Variants in BANF2 observed in about 807,000 individuals in gnomAD.
The protein encoded by BANF2 is barrier-to-autointegration factor-like protein.
A neutral mutation model predicts 8.0 loss-of-function variants in BANF2; 4 were observed. That is an observed-to-expected ratio of 0.50 (90% CI 0.25 to 1.14). The LOEUF is 1.14. Ranked by LOEUF, BANF2 falls within the 50% of genes most tolerant of loss-of-function variation. The pLI, the probability that BANF2 is intolerant of heterozygous loss-of-function variation, is 0.16. For missense variants in BANF2, 96 were observed against 107.5 expected (o/e 0.89, Z 0.47); for synonymous variants, 50 against 40.6 (o/e 1.23, Z -0.88).
In BANF2 at chr20:17,714,918, A is replaced by G. The variant is rs533270672; in HGVS notation, c.-166-7798A>G. 2.0e-4 allele frequency among the ~76,000 whole-genome samples: 30 copies of G among 152,318 alleles called. No individual in the cohort carries two copies. In the South Asian group the frequency reaches 6.0e-3, roughly 31 times the overall value. On this transcript the variant is annotated intron_variant, in intron 1 of 3. Coordinates refer to ENST00000246090, the MANE Select transcript of BANF2 (RefSeq NM_178477.5). Reference sequence around the variant, plus strand: ...AAAAGAATTTCTGGATTTCAGAGCCATTTGGATATGAAAATGGTAGCTTAG... The same window carrying G: ...AAAAGAATTTCTGGATTTCAGAGCCGTTTGGATATGAAAATGGTAGCTTAG...
chr20:17,702,248 G>A (rs898119601), intron 1 of BANF2, among the ~76,000 whole-genome samples: 5 of 152,212 alleles, frequency 3.3e-5, no homozygotes, highest in African/African-American at 1.2e-4. Flanking sequence ...GTTCCACAGT[G>A]CCTATTTCCA....
At chr20:17,714,452 G>A (rs1385697976) in intron 1 of BANF2, among the ~76,000 whole-genome samples, 1 of 152,206 alleles carries the variant, frequency 6.6e-6, no homozygotes, top group Admixed American at 6.5e-5. Flanking sequence ...AGACAAGTAT[G>A]TCCAGCCTAG....
At chr20:17,708,046 C>CAAAAAAAAAA (rs1491179991) in intron 1 of BANF2, among the ~76,000 whole-genome samples, 18 of 111,682 alleles carry the variant, frequency 1.6e-4, no homozygotes, top group African/African-American at 5.6e-4. Flanking sequence ...TACTAAAAAT[C>CAAAAAAAAAA]AAAAAAAAAA....
chr20:17,710,489 C>T (rs757631440), intron 1 of BANF2, among the ~76,000 whole-genome samples: 11 of 152,222 alleles, frequency 7.2e-5, no homozygotes, highest in African/African-American at 1.9e-4. Flanking sequence ...GAGGCAGGCA[C>T]GTAGTAGGCG....
intron 3 of BANF2, among the ~76,000 whole-genome samples, chr20:17,734,453 A>G (rs1163489287): frequency 3.9e-5 from 6 of 152,214 alleles, no homozygotes; most frequent in Non-Finnish European, 8.8e-5. Flanking sequence ...CGTGTGCATT[A>G]GGAAGGTGCA....
upstream of BANF2, among the ~76,000 whole-genome samples, chr20:17,698,849 T>G (rs2037374143): frequency 6.6e-6 from 1 of 152,210 alleles, no homozygotes; most frequent in South Asian, 2.1e-4. Flanking sequence ...TCAGCCAGCT[T>G]TGGCCCCAAA....
rs1385948334 is a variant in BANF2, at chr20:17,710,210, A to G, written c.-167+10155A>G. On this transcript the variant is annotated intron_variant, in intron 1 of 3. Transcript: ENST00000246090. ...TCCACTTGCAGGGCGAAGAGCCACC[A>G]TGGAAACCATGAGCCCTGGGGGGGA... is the stretch of plus-strand genomic sequence containing the variant. 2.6e-5 allele frequency among the ~76,000 whole-genome samples: 4 copies of G among 152,182 alleles called. No homozygotes were observed. In the East Asian group the frequency reaches 7.7e-4, roughly 29 times the overall value.
At position 17,714,825 on chromosome 20, in the gene BANF2, A is replaced by G. The variant is rs146183142; in HGVS notation, c.-166-7891A>G. On this transcript the variant is annotated intron_variant, in intron 1 of 3. Transcript: ENST00000246090. ...CACACTAACTGGGATAATAAAGACT[A>G]TAAATAGCCTCATGTCAGTTCAGGC... Among the ~76,000 whole-genome samples the G allele has an allele frequency of 2.6e-5, 4 of 152,278 alleles. No homozygotes were observed. In the East Asian group the frequency reaches 7.7e-4, roughly 29 times the overall value.
At chr20:17,712,938 G>T (rs1049423664) in intron 1 of BANF2, among the ~76,000 whole-genome samples, 1 of 152,108 alleles carries the variant, frequency 6.6e-6, no homozygotes, top group Non-Finnish European at 1.5e-5. Flanking sequence ...ATGGAATGTT[G>T]TTTAGTCTTA....
At chr20:17,727,605 C>T (rs1242725150) in intron 3 of BANF2, among the ~76,000 whole-genome samples, 1 of 152,006 alleles carries the variant, frequency 6.6e-6, no homozygotes, top group Non-Finnish European at 1.5e-5. Context: ...CCGAGATGGG[C>T]AAGCGCTTCA....
At chr20:17,711,318 T>C (rs1237724220) in intron 1 of BANF2, among the ~76,000 whole-genome samples, 1 of 152,226 alleles carries the variant, frequency 6.6e-6, no homozygotes, top group Non-Finnish European at 1.5e-5. Context: ...CTGAAGACAT[T>C]GTTTAACTGC....
At chr20:17,733,928 G>A (rs1205907294) in intron 3 of BANF2, among the ~76,000 whole-genome samples, 1 of 152,148 alleles carries the variant, frequency 6.6e-6, no homozygotes, top group Non-Finnish European at 1.5e-5. Context: ...ATAACTAAAA[G>A]TAAACAGACA....
chr20:17,730,542 C>T (rs1420589009), intron 3 of BANF2, among the ~76,000 whole-genome samples: 3 of 152,162 alleles, frequency 2.0e-5, no homozygotes, highest in Non-Finnish European at 4.4e-5. Context: ...TCCTTACAGG[C>T]GGGGCTCTGC....
chr20:17,703,740 CTTTTTT>C (rs373982840), intron 1 of BANF2, among the ~76,000 whole-genome samples: 1 of 122,600 alleles, frequency 8.2e-6, no homozygotes, highest in Non-Finnish European at 1.7e-5. Flanking sequence ...AGTAGGCTGA[CTTTTTT>C]TTTTTTTTTT....
At chr20:17,732,656 G>A (rs555398722) in intron 3 of BANF2, among the ~76,000 whole-genome samples, 19 of 152,196 alleles carry the variant, frequency 1.2e-4, no homozygotes, top group African/African-American at 4.3e-4. Flanking sequence ...ACACCTGGCC[G>A]AGCCCCCCCT....
chr20:17,711,371 G>A (rs1454260798), intron 1 of BANF2, among the ~76,000 whole-genome samples: 1 of 152,230 alleles, frequency 6.6e-6, no homozygotes, highest in Non-Finnish European at 1.5e-5. Flanking sequence ...ACACTTACCC[G>A]TATAAAGAAA....
chr20:17,726,248 C>T (rs754753527), intron 3 of BANF2, among the ~76,000 whole-genome samples: 1 of 152,094 alleles, frequency 6.6e-6, no homozygotes, highest in Non-Finnish European at 1.5e-5. Context: ...TGCAGTGATG[C>T]CATCTCGGCT....
At chr20:17,733,118 A>G (rs557986168) in intron 3 of BANF2, among the ~76,000 whole-genome samples, 43 of 152,284 alleles carry the variant, frequency 2.8e-4, no homozygotes, top group African/African-American at 1.0e-3. Context: ...CAGGGTCCAC[A>G]TGTTCCCAGG....
chr20:17,702,935 A>C (rs1300045054), intron 1 of BANF2, among the ~76,000 whole-genome samples: 4 of 152,198 alleles, frequency 2.6e-5, no homozygotes, highest in African/African-American at 4.8e-5. Flanking sequence ...AGCTTAGATT[A>C]CATAGCCATC....
Sources: gnomAD v4.1 joint callset for allele counts (sites outside exome capture counted in the v4.1 genomes callset) on GRCh38, gnomAD v4.1.1 for gene constraint, MANE v1.5 for transcripts, NCBI Gene and HGNC (gene_info 2026-07-23, HGNC 2026-07-21) for gene names.